Variants in CHL1 observed in about 807,000 individuals in gnomAD.
The protein encoded by CHL1 is neural cell adhesion molecule L1-like protein.
A neutral mutation model predicts 141.9 loss-of-function variants in CHL1; 96 were observed. The observed-to-expected ratio is 0.68, with a 90% CI of 0.57 to 0.80. The LOEUF is 0.80. Ranked by LOEUF, CHL1 falls within the 30% of genes least tolerant of loss-of-function variation. CHL1 has a pLI of 0.00. For synonymous variants in CHL1, 613 were observed against 502.2 expected (o/e 1.22, Z -2.95); for missense variants, 1,820 against 1,457.2 (o/e 1.25, Z -4.05).
intron 15 of CHL1, among the ~76,000 whole-genome samples, chr3:375,374 G>T (rs1706184386): frequency 6.6e-6 from 1 of 151,982 alleles, no homozygotes; most frequent in Admixed American, 6.6e-5. Context: ...TGGGAGGAAA[G>T]GGCATTGAGA....
intron 1 of CHL1, among the ~76,000 whole-genome samples, chr3:204,509 C>T (rs539376745): frequency 1.3e-5 from 2 of 152,256 alleles, no homozygotes; most frequent in Admixed American, 6.5e-5. Context: ...ATGTATTTCC[C>T]AGAGTAATAG....
chr3:205,066 G>T (rs2124846580), intron 1 of CHL1, among the ~76,000 whole-genome samples: 1 of 150,384 alleles, frequency 6.6e-6, no homozygotes, highest in South Asian at 2.1e-4. Flanking sequence ...CCACTCTATT[G>T]CTTTCAGGTT....
intron 9 of CHL1, among the ~76,000 whole-genome samples, chr3:347,903 G>C (rs1041070266): frequency 5.3e-5 from 8 of 152,282 alleles, no homozygotes; most frequent in African/African-American, 1.9e-4. Context: ...TAGTGTTTGA[G>C]GCTTGAAGGA....
chr3:385,976 T>C (rs1262675334), intron 19 of CHL1, among the ~76,000 whole-genome samples: 1 of 152,102 alleles, frequency 6.6e-6, no homozygotes, highest in Non-Finnish European at 1.5e-5. Flanking sequence ...TGGTGTCTCC[T>C]ATTATCTTGA....
intron 1 of CHL1, among the ~76,000 whole-genome samples, chr3:242,394 A>T (rs538308165): frequency 1.5e-4 from 21 of 142,064 alleles, no homozygotes; most frequent in Non-Finnish European, 3.1e-4. Context: ...CAGGAGATCG[A>T]GACCATCCTG....
At chr3:223,854 AG>A (rs1701086866) in intron 1 of CHL1, among the ~76,000 whole-genome samples, 1 of 152,182 alleles carries the variant, frequency 6.6e-6, no homozygotes, top group South Asian at 2.1e-4. Context: ...TAGGGGTCAA[AG>A]CTGTCTTCTT....
intron 12 of CHL1, among the ~76,000 whole-genome samples, chr3:360,753 C>G (rs1429479512): frequency 7.5e-6 from 1 of 133,730 alleles, no homozygotes; most frequent in Non-Finnish European, 1.6e-5. Flanking sequence ...CCCCCCACCC[C>G]ACAACAGTCC....
intron 1 of CHL1, among the ~76,000 whole-genome samples, chr3:236,295 T>G (rs1048589653): frequency 6.6e-6 from 1 of 152,010 alleles, no homozygotes; most frequent in Non-Finnish European, 1.5e-5. Flanking sequence ...CTCAAGAAAA[T>G]ATTTAGTGAT....
At chr3:336,693 C>A (rs1170546373) in intron 5 of CHL1, among the ~76,000 whole-genome samples, 2 of 152,272 alleles carry the variant, frequency 1.3e-5, no homozygotes, top group Middle Eastern at 3.4e-3. Flanking sequence ...TGTAGGATAT[C>A]CTATAGATAT....
intron 2 of CHL1, among the ~76,000 whole-genome samples, chr3:316,821 A>G (rs1203589399): frequency 6.6e-6 from 1 of 151,984 alleles, no homozygotes; most frequent in Non-Finnish European, 1.5e-5. Context: ...TCTTAGTGCC[A>G]GCTCCATCCT....
At chr3:319,029 T>A (rs1358119906) in intron 2 of CHL1, among the ~76,000 whole-genome samples, 1 of 151,070 alleles carries the variant, frequency 6.6e-6, no homozygotes, top group East Asian at 2.0e-4. Flanking sequence ...CACCTGGAGG[T>A]CATTATTCTA....
intron 24 of CHL1, among the ~76,000 whole-genome samples, chr3:395,724 C>T (rs1417199973): frequency 6.6e-6 from 1 of 152,158 alleles, no homozygotes; most frequent in African/African-American, 2.4e-5. Context: ...TGTGGCCCTT[C>T]CATTAAAAGT....
At chr3:373,004 A>T (rs919449032) in intron 15 of CHL1, among the ~76,000 whole-genome samples, 4 of 152,142 alleles carry the variant, frequency 2.6e-5, no homozygotes, top group African/African-American at 9.7e-5. Flanking sequence ...CAGACCTCAA[A>T]GGTCACCAAC....
At chr3:366,222 G>GTGCTGGGATTA in intron 15 of CHL1, 107 bp downstream of exon 15, 1 of 1,083,560 alleles carries the variant, frequency 9.2e-7, no homozygotes, top group Non-Finnish European at 1.4e-6. Flanking sequence ...TGTAATCCCA[G>GTGCTGGGATTA]CACTTTGGGA....
chr3:334,881 T>C (rs894553014), intron 5 of CHL1, among the ~76,000 whole-genome samples: 1 of 152,212 alleles, frequency 6.6e-6, no homozygotes, highest in Non-Finnish European at 1.5e-5. Flanking sequence ...CTTGTAGATG[T>C]CACAAGAATG....
At chr3:325,443 T>C (rs1382366707) in intron 3 of CHL1, among the ~76,000 whole-genome samples, 3 of 143,236 alleles carry the variant, frequency 2.1e-5, no homozygotes. Flanking sequence ...ATTGAAATAG[T>C]TTACCTGGAA....
intron 15 of CHL1, among the ~76,000 whole-genome samples, chr3:370,175 T>A (rs942384303): frequency 2.0e-5 from 3 of 152,154 alleles, no homozygotes; most frequent in African/African-American, 7.2e-5. Context: ...AGGAATGGTA[T>A]CAGCTCCTCT....
At chr3:258,281 A>G (rs1184951458) in intron 2 of CHL1, among the ~76,000 whole-genome samples, 2 of 152,222 alleles carry the variant, frequency 1.3e-5, no homozygotes, top group African/African-American at 2.4e-5. Flanking sequence ...ATTATGAGTC[A>G]TGTGTTATAG....
chr3:361,513 A>G (rs1704248668), intron 12 of CHL1, among the ~76,000 whole-genome samples, 186 bp from the exon 13 acceptor site: 1 of 152,162 alleles, frequency 6.6e-6, no homozygotes, highest in Non-Finnish European at 1.5e-5. Context: ...ATGAACTCAA[A>G]CAAATTTACA....
Sources: allele counts gnomAD v4.1 joint callset (sites outside exome capture counted in the v4.1 genomes callset), GRCh38; gene constraint gnomAD v4.1.1; transcripts MANE v1.5; gene names NCBI Gene and HGNC (gene_info 2026-07-23, HGNC 2026-07-21).